The following LRBA variants were observed in gnomAD, a reference collection of about 807,000 sequenced individuals.
LRBA encodes LPS responsive beige-like anchor protein, also known as lipopolysaccharide-responsive and beige-like anchor protein.
A neutral mutation model predicts 330.0 loss-of-function variants in LRBA; 176 were observed. The ratio of observed to expected loss-of-function variants is 0.53; its 90% CI spans 0.47 to 0.60. The LOEUF is 0.60. Among genes scored for constraint, LRBA ranks in the 20% least tolerant of loss-of-function variants. LRBA has a pLI of 0.00. For missense variants in LRBA, 3,259 were observed against 3,444.8 expected (o/e 0.95, Z 1.35); for synonymous variants, 1,230 against 1,193.0 (o/e 1.03, Z -0.64).
chr4:150,743,250 G>A (rs533727418), intron 35 of LRBA, among the ~76,000 whole-genome samples: 2 of 152,294 alleles, frequency 1.3e-5, no homozygotes, highest in South Asian at 4.2e-4. Flanking sequence ...GATTACAGGC[G>A]TGAGCCACCG....
rs190867964 is a variant in LRBA at position 150,510,461 on chromosome 4, T to C, written c.6331-19426A>G. ...CTTAAATATTTGTAAAATTTCTCTG[T>C]CTTGAGACTTACTGTGGATACCCTA... On this transcript the variant is annotated intron_variant, in intron 40 of 56. Transcript: ENST00000651943. 2.0e-4 allele frequency among the ~76,000 whole-genome samples: 31 copies of C among 152,326 alleles called. No individual in the cohort carries two copies. The East Asian group carries it at 5.4e-3, about 27-fold the overall frequency.
intron 36 of LRBA, among the ~76,000 whole-genome samples, chr4:150,721,740 G>A (rs1413738761): frequency 2.0e-5 from 3 of 151,952 alleles, no homozygotes; most frequent in Non-Finnish European, 2.9e-5. Context: ...TCAGCCTCCC[G>A]AGTAGCTGGG....
chr4:150,265,710 C>A lies in LRBA; in HGVS notation c.*12G>T. ...TCATCCTAGGGGCAGAGTTGATGTA[C>A]AGCTGTCACCATCAGTAGCGGGTTT... On this transcript the variant is annotated 3_prime_UTR_variant, in exon 57 of 57. Coordinates refer to ENST00000651943, the MANE Select transcript of LRBA (RefSeq NM_001364905.1). 1.3e-6 allele frequency: 2 copies of A among 1,573,592 alleles called. No individual in the cohort carries two copies. The highest frequency in any genetic ancestry group is 1.7e-6 in the Non-Finnish European group (2 of 1,143,030).
At chr4:150,766,106 T>C (rs1735727483) in intron 34 of LRBA, among the ~76,000 whole-genome samples, 1 of 152,074 alleles carries the variant, frequency 6.6e-6, no homozygotes, top group Non-Finnish European at 1.5e-5. Flanking sequence ...GAGGATCATC[T>C]ATAAACCCAT....
chr4:150,930,469 G>A (rs1476375853), intron 2 of LRBA, among the ~76,000 whole-genome samples: 2 of 151,992 alleles, frequency 1.3e-5, no homozygotes, highest in Non-Finnish European at 2.9e-5. Flanking sequence ...CTCCAGCCTA[G>A]GCAACAGACC....
chr4:150,306,248 C>T (rs1459137083), intron 52 of LRBA, among the ~76,000 whole-genome samples: 1 of 152,046 alleles, frequency 6.6e-6, no homozygotes, highest in African/African-American at 2.4e-5. Flanking sequence ...CATGTTTCTC[C>T]TCCCTCCTCC....
intron 28 of LRBA, 82 bp from the exon 29 acceptor site, chr4:150,832,058 A>C: frequency 3.8e-6 from 3 of 792,954 alleles, no homozygotes; most frequent in Non-Finnish European, 3.7e-6. Context: ...TTAAATACAA[A>C]ACATGTTCAC....
At chr4:150,435,500 G>A (rs1372794216) in intron 46 of LRBA, 89 bp downstream of exon 46, 1 of 1,165,022 alleles carries the variant, frequency 8.6e-7, no homozygotes, top group Non-Finnish European at 1.2e-6. Context: ...TTTGTAAATA[G>A]GGCTGTATGG....
At chr4:150,862,520 G>T (rs939185853) in intron 22 of LRBA, among the ~76,000 whole-genome samples, 1 of 151,962 alleles carries the variant, frequency 6.6e-6, no homozygotes, top group Non-Finnish European at 1.5e-5. Flanking sequence ...CACACACTGG[G>T]GCCTGTCATG....
chr4:150,470,179 G>A (rs551070375), intron 43 of LRBA, among the ~76,000 whole-genome samples: 10 of 152,102 alleles, frequency 6.6e-5, no homozygotes, highest in Admixed American at 1.3e-4. Context: ...GAGCAACTCC[G>A]TCTCAAAAAA....
rs199575766 is a variant in LRBA at position 150,577,411 on chromosome 4, TCA to T, written c.6330+10635_6330+10636del. Among the ~76,000 whole-genome samples, 553 of 125,676 alleles carry T rather than the reference TCA, an allele frequency of 4.4e-3. 6 individuals are homozygous for T. The highest frequency in any genetic ancestry group is 0.011 in the African/African-American group (424 of 37,724). The allele number at this position is 125,676 out of a possible 152,430, so 82.4% of individuals were successfully genotyped here. On this transcript the variant is annotated intron_variant, in intron 40 of 56. Coordinates refer to ENST00000651943, the MANE Select transcript of LRBA (RefSeq NM_001364905.1). The stretch of plus-strand genomic sequence containing the variant: ...TTTGACCAAAAATAAAAATCAATGT[TCA>T]TTTTTTTAAAAAAAAAAAGCATTTT...
intron 36 of LRBA, among the ~76,000 whole-genome samples, chr4:150,684,169 C>T (rs1482741876): frequency 6.6e-6 from 1 of 152,114 alleles, no homozygotes; most frequent in Non-Finnish European, 1.5e-5. Flanking sequence ...GAAAGTTTTA[C>T]GCAGTGAAGT....
intron 37 of LRBA, among the ~76,000 whole-genome samples, chr4:150,671,021 TGTGTGTGTGTGTGTGTGTGTGAGA>T (rs1246449017): frequency 6.7e-6 from 1 of 148,178 alleles, no homozygotes; most frequent in African/African-American, 2.5e-5. Flanking sequence ...TGTGTGTGTG[TGTGTGTGTGTGTGTGTGTGTGAGA>T]GAGAGAGAGA....
At chr4:150,425,888 ACTG>A (rs1749534711) in intron 46 of LRBA, among the ~76,000 whole-genome samples, 1 of 152,138 alleles carries the variant, frequency 6.6e-6, no homozygotes. Flanking sequence ...TTTAAGGTGC[ACTG>A]CTTAGGGACA....
intron 2 of LRBA, among the ~76,000 whole-genome samples, chr4:150,974,977 T>C (rs761492438): frequency 8.5e-5 from 13 of 152,208 alleles, no homozygotes; most frequent in Non-Finnish European, 1.6e-4. Context: ...TAAAGGTTGA[T>C]TGCCTGCTAA....
chr4:150,714,630 GAGAGT>G (rs1786562098), intron 36 of LRBA, among the ~76,000 whole-genome samples: 1 of 152,110 alleles, frequency 6.6e-6, no homozygotes, highest in African/African-American at 2.4e-5. Context: ...AAAAATTGCT[GAGAGT>G]AGATTTCAGT....
intron 47 of LRBA, among the ~76,000 whole-genome samples, chr4:150,407,996 G>A (rs1006762815): frequency 1.3e-5 from 2 of 151,994 alleles, no homozygotes; most frequent in Non-Finnish European, 2.9e-5. Flanking sequence ...TAATAATCTA[G>A]TTAGAGTAAA....
chr4:150,816,958 CTTTTAA>C (rs775125607), intron 31 of LRBA, among the ~76,000 whole-genome samples, 160 bp downstream of exon 31: 29 of 152,140 alleles, frequency 1.9e-4, no homozygotes, highest in Non-Finnish European at 3.7e-4. Flanking sequence ...GACTTAATTT[CTTTTAA>C]TTTTACTCAA....
At chr4:150,541,924 C>A (rs1765359966) in intron 40 of LRBA, among the ~76,000 whole-genome samples, 1 of 152,090 alleles carries the variant, frequency 6.6e-6, no homozygotes, top group East Asian at 1.9e-4. Flanking sequence ...TCAAGCAATC[C>A]ACCTGCCTCG....
Sources: allele counts gnomAD v4.1 joint callset (sites outside exome capture counted in the v4.1 genomes callset), GRCh38; gene constraint gnomAD v4.1.1; transcripts MANE v1.5; gene names NCBI Gene and HGNC (gene_info 2026-07-23, HGNC 2026-07-21).